RARB: variants seen among roughly 807,000 people sequenced by gnomAD.
RARB encodes the protein retinoic acid receptor beta.
A neutral mutation model predicts 51.9 loss-of-function variants in RARB; 17 were observed. That is an observed-to-expected ratio of 0.33 (90% CI 0.22 to 0.49). The LOEUF is 0.49. Ranked by LOEUF, RARB falls within the 20% of genes least tolerant of loss-of-function variation. The pLI, the probability that RARB is intolerant of heterozygous loss-of-function variation, is 0.99. For missense variants in RARB, 369 were observed against 550.8 expected (o/e 0.67, Z 3.30); for synonymous variants, 215 against 195.4 (o/e 1.10, Z -0.84).
At chr3:25,402,890 C>T (rs1345281902) in intron 5 of RARB, among the ~76,000 whole-genome samples, 4 of 151,908 alleles carry the variant, frequency 2.6e-5, no homozygotes, top group African/African-American at 9.7e-5. Flanking sequence ...TAAAGCCAAG[C>T]GTGGTGGCTC....
chr3:25,499,729 G>T (rs1339689322), intron 2 of RARB, among the ~76,000 whole-genome samples: 1 of 152,116 alleles, frequency 6.6e-6, no homozygotes, highest in African/African-American at 2.4e-5. Flanking sequence ...TGACAAAGCT[G>T]GTTTAAAGGA....
chr3:25,210,259 C>G (rs545029645), intron 5 of RARB, among the ~76,000 whole-genome samples: 1 of 152,168 alleles, frequency 6.6e-6, no homozygotes, highest in African/African-American at 2.4e-5. Flanking sequence ...CATATCATTT[C>G]TCCTTCCTGT....
chr3:24,905,154 G>C (rs945790291), intron 2 of RARB, among the ~76,000 whole-genome samples: 3 of 152,190 alleles, frequency 2.0e-5, no homozygotes, highest in Middle Eastern at 6.8e-3. Context: ...AATAACCAAA[G>C]CCTTTACCAC....
At chr3:25,032,330 G>A (rs947658139) in intron 2 of RARB, among the ~76,000 whole-genome samples, 21 of 152,182 alleles carry the variant, frequency 1.4e-4, no homozygotes, top group Non-Finnish European at 2.5e-4. Context: ...AACAAAGGCA[G>A]TAAAAGCTAA....
At chr3:24,966,777 T>G (rs35229906) in intron 2 of RARB, among the ~76,000 whole-genome samples, 32,738 of 152,146 alleles carry the variant, frequency 0.22, 3,856 homozygotes, top group East Asian at 0.3. Flanking sequence ...TTTTTATCTT[T>G]CTGGTTATCA....
At chr3:24,936,554 G>T (rs1378295348) in intron 2 of RARB, among the ~76,000 whole-genome samples, 3 of 152,154 alleles carry the variant, frequency 2.0e-5, no homozygotes, top group Non-Finnish European at 4.4e-5. Flanking sequence ...ATTCTGATAG[G>T]GGGATTAATT....
chr3:25,424,314 A>G (rs1053120159), upstream of RARB, among the ~76,000 whole-genome samples: 1 of 152,208 alleles, frequency 6.6e-6, no homozygotes, highest in Admixed American at 6.5e-5. Flanking sequence ...GCAGGTGTTC[A>G]TACTGAAGGG....
intron 3 of RARB, among the ~76,000 whole-genome samples, chr3:25,114,883 T>C (rs1189979146): frequency 1.3e-5 from 2 of 152,178 alleles, no homozygotes; most frequent in African/African-American, 4.8e-5. Context: ...TTGTATAAAA[T>C]GAAAAGTTAT....
chr3:25,571,818 G>T (rs1700723233), intron 4 of RARB, among the ~76,000 whole-genome samples: 1 of 152,210 alleles, frequency 6.6e-6, no homozygotes. Context: ...ATGAAAAGCT[G>T]CTGTGATGGA....
intron 2 of RARB, among the ~76,000 whole-genome samples, chr3:24,879,058 T>C (rs1467812577): frequency 1.3e-5 from 2 of 152,146 alleles, no homozygotes; most frequent in Non-Finnish European, 2.9e-5. Flanking sequence ...TTCTTTTATG[T>C]TTTATATATT....
intron 3 of RARB, among the ~76,000 whole-genome samples, chr3:25,549,266 G>A (rs1699743745): frequency 6.6e-6 from 1 of 151,912 alleles, no homozygotes; most frequent in African/African-American, 2.4e-5. Flanking sequence ...AAAAGAAGGG[G>A]GCCAAAGCAG....
chr3:25,067,518 T>C (rs1292913715), intron 3 of RARB, among the ~76,000 whole-genome samples: 1 of 152,230 alleles, frequency 6.6e-6, no homozygotes, highest in Non-Finnish European at 1.5e-5. Context: ...TATCACATTT[T>C]AATGTTTCAT....
chr3:25,528,533 G>A (rs1269423614), intron 3 of RARB, among the ~76,000 whole-genome samples: 1 of 151,960 alleles, frequency 6.6e-6, no homozygotes, highest in African/African-American at 2.4e-5. Context: ...TCCTCTGGAG[G>A]AGGAGTAGAA....
chr3:25,100,778 A>G lies in RARB; in HGVS notation c.-327-31383A>G, dbSNP rs540705529. On this transcript the variant is annotated intron_variant, in intron 3 of 11. Transcript: ENST00000383772. The stretch of plus-strand genomic sequence containing the variant: ...TCCCATAGCCACTCGGTCACGTGTC[A>G]AAAGGGACAACACACAGGGTTATAT... Among the ~76,000 whole-genome samples, 11 of 152,296 alleles carry G rather than the reference A, an allele frequency of 7.2e-5. No homozygotes were observed. In the East Asian group the frequency reaches 2.1e-3, roughly 29 times the overall value.
intron 2 of RARB, among the ~76,000 whole-genome samples, chr3:24,912,972 A>ATTATTTTTTTTTTTTTTTTTTTT (rs71622787): frequency 1.7e-5 from 1 of 57,636 alleles, no homozygotes; most frequent in Non-Finnish European, 3.6e-5. Context: ...CAAGGTACTG[A>ATTATTTTTTTTTTTTTTTTTTTT]TTCTTTTTTT....
intron 5 of RARB, among the ~76,000 whole-genome samples, chr3:25,223,477 T>C (rs2125385962): frequency 6.6e-6 from 1 of 151,866 alleles, no homozygotes; most frequent in South Asian, 2.1e-4. Flanking sequence ...AAATGCCTTC[T>C]ATTCCAATAT....
At chr3:24,872,639 C>G (rs923968027) in intron 2 of RARB, among the ~76,000 whole-genome samples, 5 of 152,050 alleles carry the variant, frequency 3.3e-5, no homozygotes, top group Non-Finnish European at 7.4e-5. Flanking sequence ...ACAACCAGCT[C>G]TCACGTGAAT....
intron 2 of RARB, among the ~76,000 whole-genome samples, chr3:24,927,816 G>C (rs891165540): frequency 6.6e-6 from 1 of 152,026 alleles, no homozygotes; most frequent in Non-Finnish European, 1.5e-5. Flanking sequence ...GGTGTGAGTA[G>C]GTGCTAGAAA....
chr3:25,583,109 A>G (rs1559479212), intron 5 of RARB, among the ~76,000 whole-genome samples: 1 of 152,200 alleles, frequency 6.6e-6, no homozygotes, highest in Non-Finnish European at 1.5e-5. Flanking sequence ...CCCGATAGTT[A>G]AAGGGCAAAG....
Sources: allele counts gnomAD v4.1 joint callset (sites outside exome capture counted in the v4.1 genomes callset), GRCh38; gene constraint gnomAD v4.1.1; transcripts MANE v1.5; gene names NCBI Gene and HGNC (gene_info 2026-07-23, HGNC 2026-07-21).